The following BTAF1 variants were observed in gnomAD, a reference collection of about 807,000 sequenced individuals.
BTAF1 encodes the protein B-TFIID TATA-box binding protein associated factor 1, also known as TATA-binding protein-associated factor 172.
In BTAF1, 38 loss-of-function variants were observed where a neutral mutation model predicts 227.1. That is an observed-to-expected ratio of 0.17 (90% CI 0.13 to 0.22). BTAF1 has a LOEUF of 0.22. Among genes scored for constraint, BTAF1 ranks in the 10% least tolerant of loss-of-function variants. BTAF1 has a pLI of 1.00. For missense variants in BTAF1, 1,598 were observed against 2,204.0 expected, an observed-to-expected ratio of 0.73 and a Z score of 5.51; for synonymous variants, 742 against 751.9, an observed-to-expected ratio of 0.99 and a Z score of 0.21.
At chr10:92,019,984 A>T (rs1851011619) in intron 34 of BTAF1, among the ~76,000 whole-genome samples, 1 of 151,558 alleles carries the variant, frequency 6.6e-6, no homozygotes, top group South Asian at 2.1e-4. Flanking sequence ...GGCCTGCCAA[A>T]GCCCTGGGAT....
intron 30 of BTAF1, among the ~76,000 whole-genome samples, chr10:92,012,123 CT>C (rs1413271662): frequency 1.7e-5 from 1 of 60,524 alleles, no homozygotes; most frequent in African/African-American, 7.2e-5. Flanking sequence ...CCTGTCCCCC[CT>C]CTCTCCCATC....
chr10:91,987,010 G>A (rs1348851964), intron 19 of BTAF1, among the ~76,000 whole-genome samples: 1 of 151,254 alleles, frequency 6.6e-6, no homozygotes. Flanking sequence ...TCCTACCCAG[G>A]TACTGTGTGC....
At chr10:91,999,340 A>G (rs1793921216) in intron 25 of BTAF1, among the ~76,000 whole-genome samples, 1 of 152,178 alleles carries the variant, frequency 6.6e-6, no homozygotes, top group Non-Finnish European at 1.5e-5. Context: ...TACCCAGCCT[A>G]ATGACCTGAA....
chr10:91,989,951 A>G (rs1848628427), intron 20 of BTAF1, among the ~76,000 whole-genome samples: 1 of 152,240 alleles, frequency 6.6e-6, no homozygotes, highest in Non-Finnish European at 1.5e-5. Context: ...CCTTAACCAA[A>G]GGAGCAACCC....
At chr10:92,026,796 A>G in intron 36 of BTAF1, 45 bp downstream of exon 36, 1 of 1,576,190 alleles carries the variant, frequency 6.3e-7, no homozygotes, top group Non-Finnish European at 8.6e-7. Flanking sequence ...GTGCATGAAA[A>G]TATACTCCCC....
At chr10:91,970,914 T>A (rs1294210087) in intron 14 of BTAF1, among the ~76,000 whole-genome samples, 2 of 152,230 alleles carry the variant, frequency 1.3e-5, no homozygotes, top group Non-Finnish European at 2.9e-5. Context: ...TTGATTCATA[T>A]TTAGTATCTT....
At chr10:92,027,371 A>T (rs1851587009) in intron 37 of BTAF1, 71 bp downstream of exon 37, 1 of 1,405,604 alleles carries the variant, frequency 7.1e-7, no homozygotes, top group Non-Finnish European at 9.6e-7. Flanking sequence ...TGAAAGTATT[A>T]AAGGAGCAGC....
chr10:91,975,434 C>G (rs1847616226), intron 14 of BTAF1, among the ~76,000 whole-genome samples: 1 of 152,172 alleles, frequency 6.6e-6, no homozygotes, highest in Admixed American at 6.5e-5. Flanking sequence ...AAGGAGAGAG[C>G]AAAGTTGAAA....
At chr10:91,977,746 A>G (rs1055033366) in intron 14 of BTAF1, among the ~76,000 whole-genome samples, 9 of 152,138 alleles carry the variant, frequency 5.9e-5, no homozygotes, top group African/African-American at 2.2e-4. Flanking sequence ...AGTGTTCTGG[A>G]TTTTGGCCAT....
At position 92,016,559 on chromosome 10, in the gene BTAF1, A is replaced by G. The variant is rs550667203; in HGVS notation, c.4710+94A>G. On this transcript the variant is annotated intron_variant, in intron 33 of 37. Transcript: ENST00000265990. ...AGTGGCATGATCTCGGCTCACTGCAACCTCTGCCTCCTGGGTTCAAGCTAT... is the reference window on the plus strand; with the variant it reads ...AGTGGCATGATCTCGGCTCACTGCAGCCTCTGCCTCCTGGGTTCAAGCTAT... The G allele has an allele frequency of 3.3e-4, 357 of 1,071,196 alleles. 1 individual carries two copies. Among genetic ancestry groups the G allele is most frequent in the South Asian group, 8.4e-4 (42 of 50,272 alleles). 66.4% of individuals were successfully genotyped at this position (1,071,196 alleles called of 1,614,324 possible).
intron 14 of BTAF1, among the ~76,000 whole-genome samples, chr10:91,970,642 G>A (rs1389939002): frequency 6.6e-6 from 1 of 152,170 alleles, no homozygotes; most frequent in Admixed American, 6.5e-5. Flanking sequence ...GGGAATTATG[G>A]GAGCTACAAG....
intron 35 of BTAF1, 83 bp from the exon 36 acceptor site, chr10:92,026,509 A>T (rs1247013681): frequency 8.7e-7 from 1 of 1,154,982 alleles, no homozygotes; most frequent in Non-Finnish European, 1.2e-6. Flanking sequence ...CAGCATTTTC[A>T]TTTGTGCTCT....
intron 4 of BTAF1, among the ~76,000 whole-genome samples, chr10:91,950,520 T>C (rs1391249543): frequency 6.6e-6 from 1 of 152,168 alleles, no homozygotes; most frequent in Non-Finnish European, 1.5e-5. Flanking sequence ...TTTTACAGCT[T>C]AGCTGTTTTA....
At chr10:91,975,053 A>G (rs1378402267) in intron 14 of BTAF1, among the ~76,000 whole-genome samples, 1 of 152,206 alleles carries the variant, frequency 6.6e-6, no homozygotes, top group Non-Finnish European at 1.5e-5. Flanking sequence ...AACTACTGAA[A>G]TATCCAGATT....
At chr10:91,951,652 A>G in intron 5 of BTAF1, 86 bp downstream of exon 5, 1 of 1,388,806 alleles carries the variant, frequency 7.2e-7, no homozygotes, top group Non-Finnish European at 9.7e-7. Context: ...GTTTAAGAAA[A>G]TGTTATACTT....
Position 91,992,292 on chromosome 10 carries a change from C to G in BTAF1, c.3028C>G (p.Leu1010Val), listed in dbSNP as rs2134029363. The change falls in exon 21 of 38, where the codon CTT becomes GTT. Residue 1010 changes from leucine to valine, a missense_variant. This residue lies in a region of BTAF1 where 425 missense variants were observed against 491.2 expected (regional missense o/e 0.87). Coordinates refer to ENST00000265990, the MANE Select transcript of BTAF1 (RefSeq NM_003972.3). Reference sequence around the variant, plus strand: ...TCCTGCAGGAAGTAGTGGAAATATTCTTGTTGAACTTGATGAGGTAAGTAG... The same window carrying G: ...TCCTGCAGGAAGTAGTGGAAATATTGTTGTTGAACTTGATGAGGTAAGTAG... ...DLPAGSSGNILVELDEAQKPY... is the reference protein window; with the variant it reads ...DLPAGSSGNIVVELDEAQKPY... 6.2e-7 allele frequency: 1 copy of G among 1,602,176 alleles called. No individual in the cohort carries two copies. The highest frequency in any genetic ancestry group is 1.7e-4 in the Middle Eastern group (1 of 5,968).
At chr10:91,942,342 A>C in intron 3 of BTAF1, 80 bp from the exon 4 acceptor site, 1 of 1,107,128 alleles carries the variant, frequency 9.0e-7, no homozygotes, top group Non-Finnish European at 1.3e-6. Context: ...AACCCATGCA[A>C]CCCAAGTAAT....
intron 14 of BTAF1, among the ~76,000 whole-genome samples, chr10:91,977,679 C>T (rs1394231891): frequency 2.0e-5 from 3 of 152,110 alleles, no homozygotes; most frequent in African/African-American, 7.2e-5. Context: ...TGCATTTCTA[C>T]CAGCAATGAG....
chr10:91,950,815 T>A (rs898651620), intron 4 of BTAF1, among the ~76,000 whole-genome samples: 1 of 150,034 alleles, frequency 6.7e-6, no homozygotes, highest in African/African-American at 2.5e-5. Context: ...AAAATTGATT[T>A]GTTTCCATAG....
Sources: gnomAD v4.1 joint callset for allele counts (sites outside exome capture counted in the v4.1 genomes callset) on GRCh38, gnomAD v4.1.1 for gene constraint, gnomAD v4.1.1 regional missense constraint, MANE v1.5 for transcripts, NCBI Gene and HGNC (gene_info 2026-07-23, HGNC 2026-07-21) for gene names.